Variants in COL5A2 observed in about 807,000 individuals in gnomAD.
COL5A2 encodes collagen type V alpha 2 chain.
In COL5A2, 23 loss-of-function variants were observed where a neutral mutation model predicts 208.2. The observed-to-expected ratio is 0.11, with a 90% CI of 0.08 to 0.16. The LOEUF is 0.16. COL5A2 is among the 10% of genes least tolerant of loss of function. The pLI is 1.00. For synonymous variants in COL5A2, 625 were observed against 628.5 expected (o/e 0.99, Z 0.08); for missense variants, 1,590 against 1,956.4 (o/e 0.81, Z 3.53).
chr2:189,054,118 C>A (rs1384820806), intron 36 of COL5A2, 41 bp downstream of exon 36: 4 of 1,560,582 alleles, frequency 2.6e-6, no homozygotes, highest in Non-Finnish European at 3.5e-6. Context: ...CTATTCAGGA[C>A]TCATAATTTT....
intron 50 of COL5A2, among the ~76,000 whole-genome samples, chr2:189,040,149 A>T (rs1303529717): frequency 6.6e-6 from 1 of 152,134 alleles, no homozygotes; most frequent in East Asian, 1.9e-4. Flanking sequence ...GAAAAACTGA[A>T]GAAATAGTAT....
At chr2:189,168,116 T>G (rs1216875060) in intron 1 of COL5A2, among the ~76,000 whole-genome samples, 1 of 152,034 alleles carries the variant, frequency 6.6e-6, no homozygotes, top group African/African-American at 2.4e-5. Context: ...TTTTTTGTAT[T>G]TTTAGTAGAG....
chr2:189,157,380 C>A (rs1195967505), intron 1 of COL5A2, among the ~76,000 whole-genome samples: 2 of 151,620 alleles, frequency 1.3e-5, no homozygotes, highest in African/African-American at 2.4e-5. Flanking sequence ...AAGAGTGGTA[C>A]AGAAGAATTT....
At chr2:189,428,315 A>G in the COL5A2 span, among the ~76,000 whole-genome samples, 2 of 152,058 alleles carry the variant, frequency 1.3e-5, no homozygotes, top group Non-Finnish European at 2.9e-5. Context: ...AGTTCTCATG[A>G]TATCTGGTTG....
the COL5A2 span, among the ~76,000 whole-genome samples, chr2:189,291,169 C>T: frequency 6.6e-6 from 1 of 152,026 alleles, no homozygotes; most frequent in African/African-American, 2.4e-5. Context: ...TTCCATAAAT[C>T]TCAATAAACA....
intron 1 of COL5A2, among the ~76,000 whole-genome samples, chr2:189,218,021 T>C (rs16841601): frequency 0.037 from 5,582 of 152,266 alleles, 126 homozygotes; most frequent in South Asian, 0.05. Context: ...GTTTTCCTTG[T>C]GCTCACTCCA....
the COL5A2 span, among the ~76,000 whole-genome samples, chr2:189,364,627 T>C: frequency 2.6e-5 from 4 of 151,182 alleles, no homozygotes; most frequent in Non-Finnish European, 4.4e-5. Context: ...GAGGTTGCAG[T>C]AAATAGAGAT....
At chr2:189,308,477 A>G in the COL5A2 span, among the ~76,000 whole-genome samples, 2 of 152,108 alleles carry the variant, frequency 1.3e-5, no homozygotes, top group African/African-American at 4.8e-5. Context: ...CTGCAAAGCT[A>G]TCTCTTAGGA....
the COL5A2 span, among the ~76,000 whole-genome samples, chr2:189,273,648 T>C: frequency 4.6e-5 from 7 of 152,058 alleles, no homozygotes; most frequent in Non-Finnish European, 1.0e-4. Flanking sequence ...ATGGTATATA[T>C]ACACAATGGA....
At chr2:189,085,235 A>AG (rs1323232106) in intron 10 of COL5A2, 22 bp from the exon 11 acceptor site, 1 of 1,598,096 alleles carries the variant, frequency 6.3e-7, no homozygotes, top group Non-Finnish European at 8.5e-7. Flanking sequence ...ACAAAACAAA[A>AG]GGAAAAAAAG....
In COL5A2 at chr2:189,040,500, C is replaced by A. The variant is rs144865547; in HGVS notation, c.3634-937G>T. ...AACCAGGTGACAACCTGAAGAGACA[C>A]ATAGTCCACATCTCATGTAGAGAGC... is the stretch of plus-strand genomic sequence containing the variant. On this transcript the variant is annotated intron_variant, in intron 50 of 53. Transcript: ENST00000374866. Among the ~76,000 whole-genome samples the A allele has an allele frequency of 3.7e-3, 568 of 152,264 alleles. 19 individuals are homozygous for A. The highest frequency in any genetic ancestry group is 0.032 in the Admixed American group (491 of 15,298).
chr2:189,362,048 C>A, the COL5A2 span, among the ~76,000 whole-genome samples: 3 of 152,040 alleles, frequency 2.0e-5, no homozygotes, highest in Admixed American at 1.3e-4. Context: ...GATTTAGTTA[C>A]CCCAACTAAA....
chr2:189,196,202 A>T (rs1433640163), intron 1 of COL5A2, among the ~76,000 whole-genome samples: 2 of 152,218 alleles, frequency 1.3e-5, no homozygotes, highest in Non-Finnish European at 2.9e-5. Flanking sequence ...ATATGAAAAA[A>T]GTATTTCAGT....
the COL5A2 span, among the ~76,000 whole-genome samples, chr2:189,288,721 G>C: frequency 5.3e-5 from 8 of 152,112 alleles, no homozygotes; most frequent in Non-Finnish European, 1.0e-4. Flanking sequence ...TATGAGGCCA[G>C]CGTTATCCTG....
At chr2:189,385,631 T>G in the COL5A2 span, among the ~76,000 whole-genome samples, 1 of 151,528 alleles carries the variant, frequency 6.6e-6, no homozygotes, top group African/African-American at 2.4e-5. Flanking sequence ...CATCCAAAAA[T>G]TCATACAGAA....
chr2:189,335,893 G>C, the COL5A2 span, among the ~76,000 whole-genome samples: 1 of 152,080 alleles, frequency 6.6e-6, no homozygotes, highest in Non-Finnish European at 1.5e-5. Context: ...TCACTTTAAA[G>C]AGTGAATTTG....
the COL5A2 span, among the ~76,000 whole-genome samples, chr2:189,339,387 A>G: frequency 0.85 from 129,543 of 151,544 alleles, 56,512 homozygotes; most frequent in Non-Finnish European, 0.95. Context: ...TCAATTTGCT[A>G]ACTGTTTAAA....
chr2:189,061,472 T>C (rs1686030149), intron 30 of COL5A2, 90 bp downstream of exon 30: 1 of 998,124 alleles, frequency 1.0e-6, no homozygotes, highest in African/African-American at 1.6e-5. Flanking sequence ...AATTGTAGAA[T>C]TTCAAATCTT....
the COL5A2 span, among the ~76,000 whole-genome samples, chr2:189,342,409 C>T: frequency 1.7e-5 from 2 of 117,764 alleles, no homozygotes; most frequent in African/African-American, 5.2e-5. Context: ...TATTTATTTG[C>T]TATCTGTTCT....
Sources: gnomAD v4.1 joint callset for allele counts (sites outside exome capture counted in the v4.1 genomes callset) on GRCh38, gnomAD v4.1.1 for gene constraint, MANE v1.5 for transcripts, NCBI Gene and HGNC (gene_info 2026-07-23, HGNC 2026-07-21) for gene names.